Variants in LPP observed in about 807,000 individuals in gnomAD.
LPP encodes the protein LIM domain containing preferred translocation partner in lipoma.
In LPP, 38 loss-of-function variants were observed where a neutral mutation model predicts 60.4. That is an observed-to-expected ratio of 0.63 (90% CI 0.49 to 0.83). The LOEUF is 0.83. Ranked by LOEUF, LPP falls within the 40% of genes least tolerant of loss-of-function variation. The pLI is 0.00. For missense variants in LPP, 902 were observed against 783.6 expected, an observed-to-expected ratio of 1.15 and a Z score of -1.80; for synonymous variants, 328 against 290.8, an observed-to-expected ratio of 1.13 and a Z score of -1.30.
intron 2 of LPP, among the ~76,000 whole-genome samples, chr3:188,323,011 A>G (rs1259068904): frequency 6.6e-6 from 1 of 152,192 alleles, no homozygotes; most frequent in African/African-American, 2.4e-5. Context: ...TTGTGTGGTA[A>G]AATCCACTCT....
rs575678374 is a variant in LPP, at chr3:188,851,114, T to C, written c.1411-15086T>C. On this transcript the variant is annotated intron_variant, in intron 9 of 11. Coordinates refer to ENST00000617246, the MANE Select transcript of LPP (RefSeq NM_001375462.1). ...CAAGAGAGTGAGCTGTCCCTGGACA[T>C]GGTATAAGCAGCCTCAGGGGCTGGA... 1.2e-3 allele frequency among the ~76,000 whole-genome samples: 189 copies of C among 152,256 alleles called. No individual in the cohort carries two copies. The South Asian group carries it at 0.015, about 12-fold the overall frequency.
chr3:188,866,451 C>A, intron 10 of LPP, 73 bp downstream of exon 10: 2 of 1,205,232 alleles, frequency 1.7e-6, no homozygotes, highest in Non-Finnish European at 2.2e-6. Context: ...GGCATCTGGG[C>A]ATACATTCTT....
chr3:188,240,255 A>T (rs1723619654), intron 2 of LPP: 1 of 173,116 alleles, frequency 5.8e-6, no homozygotes, highest in East Asian at 1.0e-4. Flanking sequence ...TAAGCCAAAA[A>T]GTAGTGAGGG....
At chr3:188,519,857 A>T (rs1818391192) in intron 5 of LPP, among the ~76,000 whole-genome samples, 1 of 152,212 alleles carries the variant, frequency 6.6e-6, no homozygotes, top group African/African-American at 2.4e-5. Flanking sequence ...AAGAATGAAA[A>T]AGTAAATAAA....
rs1033767505 is a variant in LPP, at chr3:188,885,398, G to C, written c.*10919G>C. The C allele has an allele frequency of 2.1e-5, 4 of 192,814 alleles. No homozygotes were observed. The highest frequency in any genetic ancestry group is 3.3e-5 in the Non-Finnish European group (3 of 92,272). The allele number at this position is 192,814 out of a possible 1,614,324, so 11.9% of individuals were successfully genotyped here. A position where few individuals can be genotyped will look rare whatever the true frequency, so the allele number is the denominator to read the frequency against. The stretch of plus-strand genomic sequence containing the variant: ...GCAAATGACTTCTCACCCCTTCCTA[G>C]TCCTCATGCCTGAGGAATAAGGGCG... On this transcript the variant is annotated 3_prime_UTR_variant, in exon 12 of 12. Coordinates refer to ENST00000617246, the MANE Select transcript of LPP (RefSeq NM_001375462.1).
chr3:188,418,971 A>G (rs971254337), intron 4 of LPP, among the ~76,000 whole-genome samples: 1 of 152,118 alleles, frequency 6.6e-6, no homozygotes, highest in Non-Finnish European at 1.5e-5. Flanking sequence ...ATTCGTCATT[A>G]TTTTTATTAT....
At chr3:188,603,322 T>C (rs1026043288) in intron 6 of LPP, among the ~76,000 whole-genome samples, 1 of 148,360 alleles carries the variant, frequency 6.7e-6, no homozygotes, top group African/African-American at 2.5e-5. Context: ...ATAGGAAAAC[T>C]ACGGATAGAC....
intron 6 of LPP, among the ~76,000 whole-genome samples, chr3:188,600,382 A>G (rs761559371): frequency 4.0e-5 from 6 of 151,294 alleles, no homozygotes; most frequent in Admixed American, 6.6e-5. Context: ...AAAATAACCA[A>G]TGTTATCAGT....
chr3:188,416,744 T>C (rs1304620422), intron 4 of LPP, among the ~76,000 whole-genome samples: 1 of 152,084 alleles, frequency 6.6e-6, no homozygotes, highest in Non-Finnish European at 1.5e-5. Context: ...AACCAGAAAA[T>C]TTCAAACAAC....
rs147678475 is a variant in LPP, at chr3:188,642,403, G to A, written c.1113+32559G>A. ...TCTAAAAATAGGATGTTTGGTTAAC[G>A]TTTAGTAGTCAACAACTTTCCTGAA... is the stretch of plus-strand genomic sequence containing the variant. On this transcript the variant is annotated intron_variant, in intron 7 of 11. Transcript: ENST00000617246. Among the ~76,000 whole-genome samples, 21 of 152,322 alleles carry A rather than the reference G, an allele frequency of 1.4e-4. 1 individual carries two copies. In the East Asian group the frequency reaches 3.1e-3, roughly 22 times the overall value.
chr3:188,828,109 C>T (rs1756066659), intron 9 of LPP, among the ~76,000 whole-genome samples: 1 of 152,044 alleles, frequency 6.6e-6, no homozygotes, highest in African/African-American at 2.4e-5. Context: ...GAGTGGTCAG[C>T]AGTAAAGAAA....
intron 9 of LPP, among the ~76,000 whole-genome samples, chr3:188,835,544 G>A (rs914308102): frequency 1.2e-4 from 18 of 151,916 alleles, no homozygotes; most frequent in African/African-American, 4.1e-4. Context: ...ACTCGAACCC[G>A]GGAGGTGGAG....
intron 1 of LPP, among the ~76,000 whole-genome samples, chr3:188,206,275 A>G (rs1733189694): frequency 2.0e-5 from 3 of 152,156 alleles, no homozygotes; most frequent in African/African-American, 7.2e-5. Context: ...TCCTGCAACC[A>G]CAGAGTAGCT....
chr3:188,862,856 T>C (rs945671765), intron 9 of LPP, among the ~76,000 whole-genome samples: 2 of 152,110 alleles, frequency 1.3e-5, no homozygotes, highest in African/African-American at 4.8e-5. Context: ...ACTTATTTGC[T>C]TAAAGACTTT....
chr3:188,397,346 A>G (rs1781187722), intron 3 of LPP, among the ~76,000 whole-genome samples: 2 of 152,294 alleles, frequency 1.3e-5, no homozygotes, highest in Non-Finnish European at 1.5e-5. Context: ...GATTTCTCCT[A>G]GCTGGGGTTC....
At chr3:188,175,447 A>G (rs1317281207) in intron 1 of LPP, among the ~76,000 whole-genome samples, 1 of 152,212 alleles carries the variant, frequency 6.6e-6, no homozygotes, top group Non-Finnish European at 1.5e-5. Flanking sequence ...GAGAAGGTGC[A>G]CATTCATTCA....
At chr3:188,783,788 C>T (rs1295286686) in intron 9 of LPP, among the ~76,000 whole-genome samples, 1 of 152,090 alleles carries the variant, frequency 6.6e-6, no homozygotes, top group African/African-American at 2.4e-5. Flanking sequence ...GCCCCTATCC[C>T]TTCATAGACT....
chr3:188,760,435 T>TGTGTGTGTGCGC (rs777127864), intron 9 of LPP, among the ~76,000 whole-genome samples, 153 bp downstream of exon 9: 6 of 151,080 alleles, frequency 4.0e-5, no homozygotes, highest in Non-Finnish European at 5.9e-5. Flanking sequence ...TGTGTGTGTG[T>TGTGTGTGTGCGC]GCGTGCGCGC....
At chr3:188,496,710 T>G (rs991839170) in intron 5 of LPP, among the ~76,000 whole-genome samples, 1 of 152,236 alleles carries the variant, frequency 6.6e-6, no homozygotes, top group African/African-American at 2.4e-5. Flanking sequence ...AAACAGCAGT[T>G]GTCACTTTCC....
Sources: gnomAD v4.1 joint callset for allele counts (sites outside exome capture counted in the v4.1 genomes callset) on GRCh38, gnomAD v4.1.1 for gene constraint, MANE v1.5 for transcripts, NCBI Gene and HGNC (gene_info 2026-07-23, HGNC 2026-07-21) for gene names.